CNTNAP2: variants seen among roughly 807,000 people sequenced by gnomAD.
CNTNAP2 encodes contactin-associated protein-like 2.
In CNTNAP2, 98 loss-of-function variants were observed where a neutral mutation model predicts 155.2. The observed-to-expected ratio is 0.63, with a 90% CI of 0.54 to 0.75. The LOEUF (loss-of-function observed/expected upper bound fraction) is 0.75, where lower values mean the gene tolerates loss of function less well. Among genes scored for constraint, CNTNAP2 ranks in the 30% least tolerant of loss-of-function variants. The pLI, the probability that CNTNAP2 is intolerant of heterozygous loss-of-function variation, is 0.00. For missense variants in CNTNAP2, 1,727 were observed against 1,688.1 expected, an observed-to-expected ratio of 1.02 and a Z score of -0.40; for synonymous variants, 651 against 631.2, an observed-to-expected ratio of 1.03 and a Z score of -0.47.
chr7:146,844,629 A>G (rs1271830566), intron 3 of CNTNAP2, among the ~76,000 whole-genome samples: 5 of 152,132 alleles, frequency 3.3e-5, no homozygotes, highest in Admixed American at 1.3e-4. Flanking sequence ...GGGAAATTCA[A>G]TTACTGGATT....
chr7:146,631,315 T>C (rs917913336), intron 1 of CNTNAP2, among the ~76,000 whole-genome samples: 1 of 152,166 alleles, frequency 6.6e-6, no homozygotes, highest in Non-Finnish European at 1.5e-5. Flanking sequence ...TCGACCACAT[T>C]GAAATAATTT....
At chr7:148,085,557 T>C in intron 15 of CNTNAP2, among the ~76,000 whole-genome samples, 1 of 152,178 alleles carries the variant, frequency 6.6e-6, no homozygotes, top group East Asian at 1.9e-4. Flanking sequence ...AGCTCCCAAA[T>C]TGAAAAGATT....
At chr7:147,483,224 T>A (rs1563222024) in intron 10 of CNTNAP2, among the ~76,000 whole-genome samples, 2 of 90,126 alleles carry the variant, frequency 2.2e-5, no homozygotes, top group African/African-American at 9.8e-5. Context: ...AGAAAAAAAT[T>A]AAAAATAATA....
At chr7:147,396,618 G>T (rs1026850605) in intron 10 of CNTNAP2, among the ~76,000 whole-genome samples, 4 of 151,934 alleles carry the variant, frequency 2.6e-5, no homozygotes, top group African/African-American at 9.7e-5. Context: ...GAAATATTAT[G>T]ATTATACTGC....
chr7:146,810,923 A>G (rs1347502238), intron 2 of CNTNAP2, among the ~76,000 whole-genome samples: 1 of 152,160 alleles, frequency 6.6e-6, no homozygotes, highest in Non-Finnish European at 1.5e-5. Flanking sequence ...TTCTATTAAT[A>G]TAGTATATCA....
intron 1 of CNTNAP2, among the ~76,000 whole-genome samples, chr7:146,598,532 A>G (rs561940156): frequency 6.6e-6 from 1 of 152,220 alleles, no homozygotes; most frequent in East Asian, 1.9e-4. Flanking sequence ...AATGGTTTTC[A>G]CATGGCTCAG....
intron 3 of CNTNAP2, among the ~76,000 whole-genome samples, chr7:146,946,052 A>AAGG (rs1251051072): frequency 6.6e-6 from 1 of 151,210 alleles, no homozygotes; most frequent in Non-Finnish European, 1.5e-5. Flanking sequence ...AGATACTGAA[A>AAGG]AGGAGACCCT....
rs1343988788 is a variant in CNTNAP2 at position 146,231,183 on chromosome 7, G to A, written c.97+114210G>A. Among the ~76,000 whole-genome samples, 3 of 152,076 alleles carry A rather than the reference G, an allele frequency of 2.0e-5. No individual in the cohort carries two copies. In the East Asian group the frequency reaches 5.8e-4, roughly 29 times the overall value. ...ATTCACTAGGATTACCTCAAGTAAT[G>A]GGGAAATGTTTTTGGAAAATAGATA... On this transcript the variant is annotated intron_variant, in intron 1 of 23. Coordinates refer to ENST00000361727, the MANE Select transcript of CNTNAP2 (RefSeq NM_014141.6).
chr7:146,426,907 T>C (rs569673603), intron 1 of CNTNAP2, among the ~76,000 whole-genome samples: 35 of 151,894 alleles, frequency 2.3e-4, no homozygotes, highest in Admixed American at 7.2e-4. Flanking sequence ...ACTATATATG[T>C]TAAAAAGTTT....
At chr7:146,379,881 G>T (rs1194992045) in intron 1 of CNTNAP2, among the ~76,000 whole-genome samples, 1 of 152,064 alleles carries the variant, frequency 6.6e-6, no homozygotes, top group Admixed American at 6.6e-5. Context: ...TTCCATAACA[G>T]AATTTTTTTG....
At chr7:146,632,046 T>A (rs1013716498) in intron 1 of CNTNAP2, among the ~76,000 whole-genome samples, 1 of 152,180 alleles carries the variant, frequency 6.6e-6, no homozygotes, top group Non-Finnish European at 1.5e-5. Context: ...CAAGAGCATA[T>A]TCTGCAAACA....
intron 1 of CNTNAP2, among the ~76,000 whole-genome samples, chr7:146,266,305 C>G (rs1799993013): frequency 6.6e-6 from 1 of 152,074 alleles, no homozygotes; most frequent in African/African-American, 2.4e-5. Context: ...GAGTGTCTAG[C>G]CTTCCATTGT....
At chr7:148,385,746 T>TGTTTGTTTGTTTGTTTG (rs1167243164) in intron 22 of CNTNAP2, among the ~76,000 whole-genome samples, 170 of 103,820 alleles carry the variant, frequency 1.6e-3, no homozygotes, top group African/African-American at 5.8e-3. Flanking sequence ...GTTTTTTTTT[T>TGTTTGTTTGTTTGTTTG]TTTTTTTTTT....
chr7:146,195,394 G>A (rs1486558278), intron 1 of CNTNAP2, among the ~76,000 whole-genome samples: 1 of 152,146 alleles, frequency 6.6e-6, no homozygotes, highest in East Asian at 1.9e-4. Context: ...AACTAACATG[G>A]AGGGCATAAA....
intron 13 of CNTNAP2, among the ~76,000 whole-genome samples, chr7:147,899,872 G>A (rs1419275349): frequency 2.0e-5 from 3 of 149,898 alleles, no homozygotes; most frequent in East Asian, 4.0e-4. Context: ...CAGCCTGCAC[G>A]ACAGAGCCAG....
chr7:146,566,969 T>A lies in CNTNAP2; in HGVS notation c.98-207302T>A, dbSNP rs143710844. On this transcript the variant is annotated intron_variant, in intron 1 of 23. Coordinates refer to ENST00000361727, the MANE Select transcript of CNTNAP2 (RefSeq NM_014141.6). ...TATTTTTTATTTTTTAATGAACTTA[T>A]GGCTTCTACTTTCATAGCAACTGAC... is the stretch of plus-strand genomic sequence containing the variant. Among the ~76,000 whole-genome samples, 575 of 152,316 alleles carry A rather than the reference T, an allele frequency of 3.8e-3. 3 individuals carry two copies. The highest frequency in any genetic ancestry group is 0.013 in the African/African-American group (541 of 41,562).
rs368387319 is a variant in CNTNAP2 at position 147,794,737 on chromosome 7, G to GTT, written c.2099-108819_2099-108818dup. Among the ~76,000 whole-genome samples the GTT allele has an allele frequency of 5.2e-3, 778 of 149,038 alleles. 5 individuals carry two copies. The highest frequency in any genetic ancestry group is 0.018 in the African/African-American group (717 of 40,792). On this transcript the variant is annotated intron_variant, in intron 13 of 23. Transcript: ENST00000361727. ...AAGCTTGTACTTTTCTTTATGGGTA[G>GTT]TTTTTTTTTTAAAAACAATTAATTC... is the stretch of plus-strand genomic sequence containing the variant.
chr7:146,408,678 C>T (rs1414655443), intron 1 of CNTNAP2, among the ~76,000 whole-genome samples: 5 of 151,614 alleles, frequency 3.3e-5, no homozygotes, highest in Admixed American at 1.3e-4. Flanking sequence ...ATGTAAATGA[C>T]GAGTTAATGG....
At chr7:147,334,894 T>A (rs1296639081) in intron 9 of CNTNAP2, among the ~76,000 whole-genome samples, 1 of 152,194 alleles carries the variant, frequency 6.6e-6, no homozygotes, top group Admixed American at 6.5e-5. Context: ...TTACTGTGGG[T>A]CTTATTTAAT....
Sources: gnomAD v4.1 joint callset for allele counts (sites outside exome capture counted in the v4.1 genomes callset) on GRCh38, gnomAD v4.1.1 for gene constraint, MANE v1.5 for transcripts, NCBI Gene and HGNC (gene_info 2026-07-23, HGNC 2026-07-21) for gene names.